RALYL: variants seen among roughly 807,000 people sequenced by gnomAD.
RALYL encodes the protein RALY RNA binding protein like, also known as RNA-binding Raly-like protein.
Under a neutral mutation model 35.1 loss-of-function variants are expected in RALYL, and 29 were observed. The ratio of observed to expected loss-of-function variants is 0.83; its 90% CI spans 0.61 to 1.13. The LOEUF is 1.13. Ranked by LOEUF, RALYL falls within the 50% of genes most tolerant of loss-of-function variation. The pLI, the probability that RALYL is intolerant of heterozygous loss-of-function variation, is 0.00. For synonymous variants in RALYL, 120 were observed against 127.6 expected (o/e 0.94, Z 0.40); for missense variants, 359 against 360.4 (o/e 1.00, Z 0.03).
chr8:84,278,011 C>G (rs1332785623), intron 1 of RALYL, among the ~76,000 whole-genome samples: 1 of 152,228 alleles, frequency 6.6e-6, no homozygotes, highest in African/African-American at 2.4e-5. Flanking sequence ...CTAGGCAGTG[C>G]CCCAGAGGGC....
intron 1 of RALYL, among the ~76,000 whole-genome samples, chr8:84,214,265 A>G (rs930737068): frequency 3.4e-4 from 52 of 152,242 alleles, no homozygotes; most frequent in African/African-American, 1.1e-3. Flanking sequence ...AGGAATTGGT[A>G]TCATTTCATA....
chr8:84,235,403 C>A (rs1467000723), intron 1 of RALYL, among the ~76,000 whole-genome samples: 3 of 152,188 alleles, frequency 2.0e-5, no homozygotes, highest in Non-Finnish European at 4.4e-5. Context: ...CCTTTTACTT[C>A]ATGTACCAAT....
chr8:84,499,718 C>T (rs1015314617), intron 1 of RALYL, among the ~76,000 whole-genome samples: 5 of 151,786 alleles, frequency 3.3e-5, no homozygotes, highest in African/African-American at 1.2e-4. Flanking sequence ...AATGGGGAGA[C>T]ATATTTTCTT....
chr8:84,841,137 T>A (rs561866824), intron 4 of RALYL, among the ~76,000 whole-genome samples: 20 of 152,206 alleles, frequency 1.3e-4, no homozygotes, highest in African/African-American at 4.6e-4. Flanking sequence ...TAAATGTAAA[T>A]GGGCTAAATG....
intron 1 of RALYL, among the ~76,000 whole-genome samples, chr8:84,425,270 CG>C (rs1281584022): frequency 1.3e-5 from 2 of 152,026 alleles, no homozygotes; most frequent in Non-Finnish European, 2.9e-5. Context: ...TTTTTTAAGC[CG>C]GTCTGAAAAG....
intron 2 of RALYL, among the ~76,000 whole-genome samples, chr8:84,690,986 A>AT (rs1331691728): frequency 6.6e-6 from 1 of 152,218 alleles, no homozygotes; most frequent in Admixed American, 6.5e-5. Context: ...GGAATTGCTA[A>AT]TTTTTTATCT....
chr8:84,513,019 TG>T (rs2134450306), intron 1 of RALYL, among the ~76,000 whole-genome samples: 1 of 152,344 alleles, frequency 6.6e-6, no homozygotes, highest in South Asian at 2.1e-4. Flanking sequence ...GGTCTTCTTT[TG>T]GTTCCATATA....
At chr8:84,293,334 T>A (rs1839130434) in intron 1 of RALYL, among the ~76,000 whole-genome samples, 2 of 152,180 alleles carry the variant, frequency 1.3e-5, no homozygotes. Context: ...GTTGCCTAGA[T>A]GTTCCCAAAT....
intron 2 of RALYL, among the ~76,000 whole-genome samples, chr8:84,568,562 C>A (rs1211827291): frequency 0.048 from 133 of 2,778 alleles, 2 homozygotes; most frequent in South Asian, 0.26. Context: ...TGGGTATATA[C>A]CCAGTAATGA....
intron 1 of RALYL, among the ~76,000 whole-genome samples, chr8:84,207,798 A>ATGTGTG (rs575104571): frequency 2.8e-5 from 4 of 143,756 alleles, no homozygotes; most frequent in Non-Finnish European, 4.6e-5. Flanking sequence ...TCATTTCATA[A>ATGTGTG]TGTGTGTGTG....
At chr8:84,429,524 A>T (rs1563916390) in intron 1 of RALYL, among the ~76,000 whole-genome samples, 1 of 151,984 alleles carries the variant, frequency 6.6e-6, no homozygotes, top group Non-Finnish European at 1.5e-5. Context: ...TCCACATTAT[A>T]TTTTTGTTTG....
intron 1 of RALYL, among the ~76,000 whole-genome samples, chr8:84,507,738 C>A (rs140465751): frequency 1.3e-5 from 2 of 152,262 alleles, no homozygotes; most frequent in Non-Finnish European, 2.9e-5. Context: ...GAGGTTTGCA[C>A]TAGCCAATGG....
intron 2 of RALYL, among the ~76,000 whole-genome samples, chr8:84,650,343 A>G (rs1480014693): frequency 2.0e-5 from 3 of 152,136 alleles, no homozygotes; most frequent in African/African-American, 7.2e-5. Context: ...GCTAATATCC[A>G]GAATCTACAA....
intron 2 of RALYL, among the ~76,000 whole-genome samples, chr8:84,645,810 C>T (rs1031130343): frequency 6.6e-6 from 1 of 152,028 alleles, no homozygotes; most frequent in Non-Finnish European, 1.5e-5. Context: ...TTTCTTGAAA[C>T]TTCTGCTTCA....
intron 7 of RALYL, among the ~76,000 whole-genome samples, chr8:84,884,474 G>A (rs1302939631): frequency 1.3e-5 from 2 of 151,256 alleles, no homozygotes; most frequent in African/African-American, 4.9e-5. Flanking sequence ...AGATCTTCTA[G>A]AGAAAAAATT....
chr8:84,523,404 T>C (rs2058622023), intron 1 of RALYL, among the ~76,000 whole-genome samples: 1 of 152,136 alleles, frequency 6.6e-6, no homozygotes. Context: ...CCTCCCATAA[T>C]ACATACAGAT....
intron 1 of RALYL, among the ~76,000 whole-genome samples, chr8:84,425,783 C>G (rs1018847596): frequency 2.1e-5 from 3 of 144,508 alleles, no homozygotes; most frequent in African/African-American, 5.2e-5. Context: ...AGTTTTTCTT[C>G]TGTGTGTGTG....
chr8:84,641,030 A>G (rs1270570680), intron 2 of RALYL, among the ~76,000 whole-genome samples: 3 of 151,692 alleles, frequency 2.0e-5, no homozygotes, highest in East Asian at 1.9e-4. Flanking sequence ...TCTGACTTGT[A>G]TTACATTTTC....
At chr8:84,757,425 G>A (rs1811688528) in intron 2 of RALYL, among the ~76,000 whole-genome samples, 1 of 152,098 alleles carries the variant, frequency 6.6e-6, no homozygotes, top group Admixed American at 6.6e-5. Flanking sequence ...AAATTCTTGG[G>A]AAAAAACTGC....
Sources: gnomAD v4.1 joint callset for allele counts (sites outside exome capture counted in the v4.1 genomes callset) on GRCh38, gnomAD v4.1.1 for gene constraint, MANE v1.5 for transcripts, NCBI Gene and HGNC (gene_info 2026-07-23, HGNC 2026-07-21) for gene names.